SLIT1: variants seen among roughly 807,000 people sequenced by gnomAD.
The protein encoded by SLIT1 is slit homolog 1 protein.
A neutral mutation model predicts 186.1 loss-of-function variants in SLIT1; 66 were observed. That is an observed-to-expected ratio of 0.35 (90% CI 0.29 to 0.44). SLIT1 has a LOEUF of 0.44. SLIT1 is among the 20% of genes least tolerant of loss of function. SLIT1 has a pLI of 1.00. For missense variants in SLIT1, 1,638 were observed against 2,037.4 expected, an observed-to-expected ratio of 0.80 and a Z score of 3.77; for synonymous variants, 761 against 833.8, an observed-to-expected ratio of 0.91 and a Z score of 1.50.
At chr10:97,033,507 A>C (rs1241918213) in intron 23 of SLIT1, among the ~76,000 whole-genome samples, 1 of 152,206 alleles carries the variant, frequency 6.6e-6, no homozygotes, top group Non-Finnish European at 1.5e-5. Flanking sequence ...AAACAACCTC[A>C]ATATCCATCA....
intron 4 of SLIT1, among the ~76,000 whole-genome samples, chr10:97,128,702 G>A (rs902048507): frequency 1.3e-5 from 2 of 152,170 alleles, no homozygotes; most frequent in Non-Finnish European, 2.9e-5. Context: ...AGCTGGAATC[G>A]TGACTGAGGT....
intron 4 of SLIT1, among the ~76,000 whole-genome samples, chr10:97,098,598 GTGCC>G (rs1279483640): frequency 6.6e-6 from 1 of 152,206 alleles, no homozygotes; most frequent in Non-Finnish European, 1.5e-5. Flanking sequence ...GGCTGGGCAG[GTGCC>G]CAAGGCCTTT....
chr10:97,062,120 C>T (rs1379259162), intron 8 of SLIT1, among the ~76,000 whole-genome samples: 1 of 152,254 alleles, frequency 6.6e-6, no homozygotes, highest in African/African-American at 2.4e-5. Flanking sequence ...CATTCCAATT[C>T]CTAAAAACTG....
intron 4 of SLIT1, chr10:97,101,493 A>G (rs1371288349): frequency 6.6e-6 from 1 of 152,232 alleles, no homozygotes. Context: ...GGCAGATGAC[A>G]AGAAAGCCCA....
intron 4 of SLIT1, among the ~76,000 whole-genome samples, chr10:97,094,935 T>C (rs377112667): frequency 2.0e-5 from 3 of 152,348 alleles, no homozygotes; most frequent in East Asian, 3.9e-4. Flanking sequence ...TTCTCTGCTT[T>C]AATTCTCAAC....
At chr10:97,011,589 G>C (rs749194729) in intron 30 of SLIT1, among the ~76,000 whole-genome samples, 3 of 152,158 alleles carry the variant, frequency 2.0e-5, no homozygotes, top group Non-Finnish European at 4.4e-5. Context: ...GTCCTCAGCA[G>C]GGCTAGTGCC....
At chr10:97,118,692 T>A (rs1849530831) in intron 4 of SLIT1, among the ~76,000 whole-genome samples, 1 of 152,176 alleles carries the variant, frequency 6.6e-6, no homozygotes, top group East Asian at 1.9e-4. Context: ...ACATACCGAA[T>A]GATTCAAACC....
chr10:97,149,050 C>G (rs564576059), intron 4 of SLIT1, among the ~76,000 whole-genome samples: 18 of 152,352 alleles, frequency 1.2e-4, no homozygotes, highest in African/African-American at 4.1e-4. Flanking sequence ...CGCCACCCCC[C>G]CGTGGCCCTC....
intron 7 of SLIT1, 122 bp from the exon 8 acceptor site, chr10:97,063,740 A>G: frequency 9.1e-7 from 1 of 1,101,766 alleles, no homozygotes; most frequent in East Asian, 2.6e-5. Context: ...CACAGTCTAC[A>G]TTTAGTCAAG....
intron 4 of SLIT1, among the ~76,000 whole-genome samples, chr10:97,135,200 G>T (rs1239553929): frequency 6.6e-6 from 1 of 152,226 alleles, no homozygotes; most frequent in African/African-American, 2.4e-5. Context: ...AGCCAAGCAG[G>T]CTGGGGAGCC....
chr10:97,037,048 TTGTGTGTGTGTGTGTGTGTGTGTGTGTG>T (rs59578209), intron 22 of SLIT1, among the ~76,000 whole-genome samples: 4 of 116,882 alleles, frequency 3.4e-5, no homozygotes. Flanking sequence ...ATAACCCCCT[TTGTGTGTGTGTGTGTGTGTGTGTGTGTG>T]TGTGTGTGTG....
intron 21 of SLIT1, 48 bp from the exon 22 acceptor site, chr10:97,037,814 G>GAGA: frequency 4.6e-6 from 7 of 1,523,174 alleles, no homozygotes; most frequent in Non-Finnish European, 6.3e-6. Context: ...ACCTCTGGTG[G>GAGA]TGCCCCATGC....
chr10:97,093,278 C>T (rs894206820), intron 4 of SLIT1, among the ~76,000 whole-genome samples: 3 of 152,170 alleles, frequency 2.0e-5, no homozygotes, highest in African/African-American at 7.2e-5. Flanking sequence ...CCAGGTGTTC[C>T]CAACCAAAAT....
intron 8 of SLIT1, 42 bp from the exon 9 acceptor site, chr10:97,060,829 A>G: frequency 6.5e-7 from 1 of 1,530,976 alleles, no homozygotes; most frequent in South Asian, 1.3e-5. Context: ...GTCATGCATC[A>G]GCACCTCCCT....
chr10:97,151,063 T>C (rs1849872138), intron 4 of SLIT1, among the ~76,000 whole-genome samples: 1 of 151,680 alleles, frequency 6.6e-6, no homozygotes, highest in South Asian at 2.1e-4. Flanking sequence ...TCCAATCTGC[T>C]GATAGGTCAG....
At position 97,057,170 on chromosome 10, in the gene SLIT1, T is replaced by G. The variant is rs762959737; in HGVS notation, c.1157+40A>C. Reference sequence around the variant, plus strand: ...AGCAGGCCAGAGGAAAGCTGGCCCTTCCCTGGGTCCCACCCAAGACACCCA... The same window carrying G: ...AGCAGGCCAGAGGAAAGCTGGCCCTGCCCTGGGTCCCACCCAAGACACCCA... On this transcript the variant is annotated intron_variant, in intron 12 of 36. Coordinates refer to ENST00000266058, the MANE Select transcript of SLIT1 (RefSeq NM_003061.3). The G allele has an allele frequency of 1.3e-5, 20 of 1,550,976 alleles. No individual in the cohort carries two copies. The East Asian group carries it at 1.3e-4, about 10-fold the overall frequency.
At chr10:97,057,044 A>G (rs1848843832) in intron 12 of SLIT1, among the ~76,000 whole-genome samples, 166 bp downstream of exon 12, 1 of 152,220 alleles carries the variant, frequency 6.6e-6, no homozygotes, top group Non-Finnish European at 1.5e-5. Flanking sequence ...TAGCCTCTGC[A>G]GAGCCCTGGA....
At chr10:97,148,370 C>T (rs560534033) in intron 4 of SLIT1, among the ~76,000 whole-genome samples, 1 of 151,724 alleles carries the variant, frequency 6.6e-6, no homozygotes, top group East Asian at 1.9e-4. Flanking sequence ...CTCATTATAA[C>T]CTCAAACTCC....
At chr10:97,061,459 C>T (rs564187357) in intron 8 of SLIT1, among the ~76,000 whole-genome samples, 37 of 152,242 alleles carry the variant, frequency 2.4e-4, no homozygotes, top group Non-Finnish European at 4.6e-4. Context: ...AGAAGATTCC[C>T]TCCTGCCCCT....
Sources: gnomAD v4.1 joint callset for allele counts (sites outside exome capture counted in the v4.1 genomes callset) on GRCh38, gnomAD v4.1.1 for gene constraint, MANE v1.5 for transcripts, NCBI Gene and HGNC (gene_info 2026-07-23, HGNC 2026-07-21) for gene names.